Variants in GRIN2A observed in about 807,000 individuals in gnomAD.
The protein encoded by GRIN2A is glutamate receptor ionotropic, NMDA 2A.
Under a neutral mutation model 113.4 loss-of-function variants are expected in GRIN2A, and 22 were observed. The observed-to-expected ratio is 0.19, with a 90% confidence interval of 0.14 to 0.28. The LOEUF (loss-of-function observed/expected upper bound fraction) is 0.28. GRIN2A is among the 10% of genes least tolerant of loss of function. The pLI is 1.00. For synonymous variants in GRIN2A, 827 were observed against 738.4 expected (o/e 1.12, Z -1.94); for missense variants, 1,502 against 1,887.0 (o/e 0.80, Z 3.78).
At chr16:9,829,954 G>C (rs1313317681) in intron 8 of GRIN2A, among the ~76,000 whole-genome samples, 1 of 152,164 alleles carries the variant, frequency 6.6e-6, no homozygotes, top group Non-Finnish European at 1.5e-5. Flanking sequence ...TTTTAAATTT[G>C]GATTTGATTC....
chr16:9,905,957 CT>C (rs1184119956), intron 3 of GRIN2A, among the ~76,000 whole-genome samples: 1 of 152,148 alleles, frequency 6.6e-6, no homozygotes, highest in Non-Finnish European at 1.5e-5. Context: ...TTTAAAAGGT[CT>C]AGTAAAGCCC....
intron 2 of GRIN2A, among the ~76,000 whole-genome samples, chr16:10,139,496 T>C (rs1284639381): frequency 1.3e-5 from 2 of 152,250 alleles, no homozygotes; most frequent in African/African-American, 4.8e-5. Context: ...TGTCTGTCTG[T>C]AGGGTTTGGC....
intron 2 of GRIN2A, among the ~76,000 whole-genome samples, chr16:10,099,452 G>A (rs895614131): frequency 2.0e-5 from 3 of 150,802 alleles, no homozygotes; most frequent in Admixed American, 1.3e-4. Context: ...GAGAAGGAAA[G>A]AGAATGCCAT....
chr16:10,022,817 A>C (rs2046750567), intron 2 of GRIN2A, among the ~76,000 whole-genome samples: 2 of 152,218 alleles, frequency 1.3e-5, no homozygotes, highest in South Asian at 4.1e-4. Flanking sequence ...TTTGAGTATT[A>C]TGCCAGCTCT....
chr16:9,908,040 T>G (rs890701435), intron 3 of GRIN2A, among the ~76,000 whole-genome samples: 1 of 152,140 alleles, frequency 6.6e-6, no homozygotes. Flanking sequence ...GTTGAGAATG[T>G]CCCGGTGTGC....
intron 2 of GRIN2A, among the ~76,000 whole-genome samples, chr16:10,081,822 T>C (rs1235307950): frequency 2.0e-5 from 3 of 152,130 alleles, no homozygotes; most frequent in Non-Finnish European, 4.4e-5. Flanking sequence ...CTGATTAAAA[T>C]AAGTAGGAAC....
chr16:9,934,840 A>C (rs1286557945), intron 3 of GRIN2A, among the ~76,000 whole-genome samples: 2 of 151,824 alleles, frequency 1.3e-5, no homozygotes, highest in Non-Finnish European at 2.9e-5. Flanking sequence ...GAGTGTGGGA[A>C]GGAGAGACTG....
chr16:9,971,488 C>CA (rs1472907098), intron 2 of GRIN2A, among the ~76,000 whole-genome samples: 1 of 152,194 alleles, frequency 6.6e-6, no homozygotes. Context: ...GCAGAAAAAC[C>CA]ACCTAGTAGA....
At chr16:10,123,875 T>C (rs2048878028) in intron 2 of GRIN2A, among the ~76,000 whole-genome samples, 1 of 152,204 alleles carries the variant, frequency 6.6e-6, no homozygotes, top group African/African-American at 2.4e-5. Context: ...GTGCTCAAAA[T>C]AACAGTACAA....
intron 2 of GRIN2A, chr16:10,111,907 A>G (rs543695420): frequency 6.0e-6 from 5 of 836,932 alleles, no homozygotes; most frequent in South Asian, 5.5e-5. Context: ...CACCCTCCTC[A>G]GTGAGGTGAT....
chr16:9,843,083 G>C (rs190321184), intron 5 of GRIN2A, among the ~76,000 whole-genome samples: 1 of 151,354 alleles, frequency 6.6e-6, no homozygotes, highest in Non-Finnish European at 1.5e-5. Flanking sequence ...AGAGAGAAGA[G>C]AGAAAGAAAG....
In GRIN2A at chr16:10,128,187, C is replaced by T. The variant is rs114165303; in HGVS notation, c.414+51811G>A. The stretch of plus-strand genomic sequence containing the variant: ...ACTGGCAGCTCACGGTTGGACCTTT[C>T]ATGATTCTGCCTATGTGTCCCTCTT... On this transcript the variant is annotated intron_variant, in intron 2 of 12. Coordinates refer to ENST00000330684, the MANE Select transcript of GRIN2A (RefSeq NM_001134407.3). Among the ~76,000 whole-genome samples the T allele has an allele frequency of 2.6e-3, 397 of 152,324 alleles. 1 individual carries two copies. The highest frequency in any genetic ancestry group is 9.2e-3 in the African/African-American group (384 of 41,566).
intron 2 of GRIN2A, among the ~76,000 whole-genome samples, chr16:9,983,179 C>CA (rs1415594427): frequency 6.6e-6 from 1 of 152,152 alleles, no homozygotes; most frequent in Non-Finnish European, 1.5e-5. Flanking sequence ...TAACTATGGT[C>CA]ATCCTACAGT....
intron 2 of GRIN2A, among the ~76,000 whole-genome samples, chr16:9,964,331 C>A (rs1212667989): frequency 6.6e-6 from 1 of 152,184 alleles, no homozygotes; most frequent in Non-Finnish European, 1.5e-5. Context: ...AATTACTCAG[C>A]CTTGAATTCT....
At chr16:9,905,427 A>C (rs114791230) in intron 3 of GRIN2A, among the ~76,000 whole-genome samples, 58 of 152,362 alleles carry the variant, frequency 3.8e-4, no homozygotes, top group African/African-American at 1.4e-3. Flanking sequence ...AATATCAATG[A>C]GTAAAACGAG....
At chr16:9,919,673 A>AC (rs1339529051) in intron 3 of GRIN2A, among the ~76,000 whole-genome samples, 1 of 152,210 alleles carries the variant, frequency 6.6e-6, no homozygotes, top group Non-Finnish European at 1.5e-5. Flanking sequence ...GCAGTACCTT[A>AC]CTTCCCCGCT....
intron 3 of GRIN2A, among the ~76,000 whole-genome samples, chr16:9,931,675 TC>T (rs2044597427): frequency 6.6e-6 from 1 of 152,122 alleles, no homozygotes; most frequent in African/African-American, 2.4e-5. Context: ...TTCTATGACC[TC>T]CTCTTCAGTA....
intron 2 of GRIN2A, among the ~76,000 whole-genome samples, chr16:10,167,183 G>A (rs1305648369): frequency 6.6e-6 from 1 of 152,098 alleles, no homozygotes. Flanking sequence ...GTTTCAGAGG[G>A]TCTGTGATCC....
intron 4 of GRIN2A, among the ~76,000 whole-genome samples, chr16:9,862,248 G>A (rs1187221714): frequency 2.6e-5 from 4 of 152,316 alleles, no homozygotes; most frequent in Admixed American, 1.3e-4. Flanking sequence ...AGCTATTAGA[G>A]CCTTAATTAA....
Sources: allele counts gnomAD v4.1 joint callset (sites outside exome capture counted in the v4.1 genomes callset), GRCh38; gene constraint gnomAD v4.1.1; transcripts MANE v1.5; gene names NCBI Gene and HGNC (gene_info 2026-07-23, HGNC 2026-07-21).